FRMPD4: variants seen among roughly 807,000 people sequenced by gnomAD.
FRMPD4 encodes FERM and PDZ domain containing 4, also known as FERM and PDZ domain-containing protein 4.
A neutral mutation model predicts 94.1 loss-of-function variants in FRMPD4; 22 were observed. The observed-to-expected ratio is 0.23, with a 90% CI of 0.17 to 0.33. FRMPD4 has a LOEUF of 0.33. Among genes scored for constraint, FRMPD4 ranks in the 10% least tolerant of loss-of-function variants. The pLI, the probability that FRMPD4 is intolerant of heterozygous loss-of-function variation, is 1.00. For missense variants in FRMPD4, 1,111 were observed against 1,339.9 expected, an observed-to-expected ratio of 0.83 and a Z score of 2.67; for synonymous variants, 631 against 548.6, an observed-to-expected ratio of 1.15 and a Z score of -2.10.
intron 2 of FRMPD4, among the ~76,000 whole-genome samples, chrX:12,607,170 T>G (rs990044554): frequency 1.6e-4 from 18 of 111,630 alleles, no homozygotes; most frequent in African/African-American, 5.2e-4. Context: ...TTGGTTTTGC[T>G]GGCTCACTCA....
At chrX:11,895,182 G>T (rs1472870712) in intron 3 of FRMPD4, among the ~76,000 whole-genome samples, 1 of 111,962 alleles carries the variant, frequency 8.9e-6, no homozygotes, top group East Asian at 2.8e-4. Flanking sequence ...TGATTTTTTT[G>T]TGTGGGGCTG....
At chrX:11,906,681 G>A (rs911323855) in intron 3 of FRMPD4, among the ~76,000 whole-genome samples, 3 of 110,812 alleles carry the variant, frequency 2.7e-5, no homozygotes, top group Admixed American at 9.6e-5. Context: ...CAACTATGGT[G>A]TTTTTAGGTG....
intron 1 of FRMPD4, among the ~76,000 whole-genome samples, chrX:12,186,650 C>A (rs1184895853): frequency 9.0e-6 from 1 of 111,338 alleles, no homozygotes; most frequent in Non-Finnish European, 1.9e-5. Context: ...TGGTGTGTGG[C>A]TTGACGATGA....
At chrX:12,248,049 T>C in intron 1 of FRMPD4, among the ~76,000 whole-genome samples, 1 of 112,461 alleles carries the variant, frequency 8.9e-6, no homozygotes. Flanking sequence ...TATCTTCTTT[T>C]ATACCATGTA....
At chrX:12,089,579 G>A (rs1184176554) in intron 3 of FRMPD4, among the ~76,000 whole-genome samples, 2 of 111,478 alleles carry the variant, frequency 1.8e-5, no homozygotes, top group African/African-American at 3.3e-5. Context: ...TCATATGTTC[G>A]TTGGCCATTT....
intron 1 of FRMPD4, among the ~76,000 whole-genome samples, chrX:12,224,779 G>A (rs1284840063): frequency 9.0e-6 from 1 of 110,852 alleles, no homozygotes; most frequent in Non-Finnish European, 1.9e-5. Context: ...TGCTCCTGTT[G>A]GTACAGTTTT....
At chrX:12,373,240 A>T (rs759983973) in intron 1 of FRMPD4, 44 of 112,590 alleles carry the variant, frequency 3.9e-4, no homozygotes, top group African/African-American at 1.4e-3. Context: ...CCGACTTCTT[A>T]GTGGAAAGGA....
chrX:12,620,646 AC>A (rs1298185555), intron 4 of FRMPD4, among the ~76,000 whole-genome samples: 1 of 111,854 alleles, frequency 8.9e-6, no homozygotes, highest in Admixed American at 9.5e-5. Context: ...AAATAGGCCT[AC>A]CCCCCATTGC....
At chrX:12,018,559 G>A (rs750995167) in intron 3 of FRMPD4, among the ~76,000 whole-genome samples, 1 of 110,398 alleles carries the variant, frequency 9.1e-6, no homozygotes, top group Non-Finnish European at 1.9e-5. Context: ...GGGATTATAG[G>A]TGCCCACTAC....
Position 12,020,533 on chromosome X carries a change from G to A in FRMPD4, c.95+142515G>A, listed in dbSNP as rs184973280. Among the ~76,000 whole-genome samples, 60 of 111,715 alleles carry A rather than the reference G, an allele frequency of 5.4e-4. 2 individuals are homozygous for A. In the East Asian group the frequency reaches 0.011, roughly 20 times the overall value. The stretch of plus-strand genomic sequence containing the variant: ...GAATGGATAGTGTATGAAGAACTGC[G>A]AAAGGGAAGTTTTCATGAGCCAGGC... On this transcript the variant is annotated intron_variant, in intron 3 of 18. Transcript: ENST00000640291.
chrX:12,193,767 A>T (rs867980416), intron 1 of FRMPD4, among the ~76,000 whole-genome samples: 3 of 21,967 alleles, frequency 1.4e-4, no homozygotes, highest in African/African-American at 9.1e-4. Flanking sequence ...AGAAAGAAAG[A>T]AAGAAAGGAA....
intron 1 of FRMPD4, among the ~76,000 whole-genome samples, chrX:12,139,557 G>C (rs2055660971): frequency 9.3e-6 from 1 of 108,053 alleles, no homozygotes; most frequent in Non-Finnish European, 1.9e-5. Flanking sequence ...TTTTTGGGGG[G>C]GGGGTAACTA....
intron 3 of FRMPD4, among the ~76,000 whole-genome samples, chrX:11,884,837 T>C (rs774568153): frequency 9.9e-5 from 11 of 111,493 alleles, no homozygotes; most frequent in African/African-American, 3.3e-4. Flanking sequence ...AGAGGAGAGA[T>C]TAAATATAGA....
intron 2 of FRMPD4, among the ~76,000 whole-genome samples, chrX:11,868,478 ACT>A (rs2053735637): frequency 1.8e-5 from 2 of 111,405 alleles, no homozygotes; most frequent in African/African-American, 6.5e-5. Flanking sequence ...TAGGCTATTA[ACT>A]CTACAAAATG....
intron 2 of FRMPD4, among the ~76,000 whole-genome samples, chrX:12,554,883 G>A (rs2058578612): frequency 9.0e-6 from 1 of 111,683 alleles, no homozygotes; most frequent in African/African-American, 3.3e-5. Context: ...CGAAAGTGTA[G>A]GGATTACAGG....
chrX:12,590,888 A>G (rs1165985052), intron 2 of FRMPD4, among the ~76,000 whole-genome samples: 1 of 112,222 alleles, frequency 8.9e-6, no homozygotes, highest in African/African-American at 3.2e-5. Context: ...TGTGCTATTG[A>G]CATGACTCTG....
At chrX:12,095,791 CTAA>C (rs1267737905) in intron 3 of FRMPD4, among the ~76,000 whole-genome samples, 1 of 112,378 alleles carries the variant, frequency 8.9e-6, no homozygotes, top group Non-Finnish European at 1.9e-5. Context: ...AAAGAGAAGG[CTAA>C]TTCTTCATGC....
At chrX:12,701,014 C>G (rs1243645688) in intron 9 of FRMPD4, among the ~76,000 whole-genome samples, 1 of 107,779 alleles carries the variant, frequency 9.3e-6, no homozygotes, top group African/African-American at 3.4e-5. Flanking sequence ...TGTAAGAGGG[C>G]TTACACCCTG....
chrX:12,678,479 GT>G (rs2059924997), intron 5 of FRMPD4, among the ~76,000 whole-genome samples: 1 of 111,924 alleles, frequency 8.9e-6, no homozygotes, highest in South Asian at 3.7e-4. Flanking sequence ...GCTTTCTACA[GT>G]TTCCAAGTCT....
Sources: gnomAD v4.1 joint callset for allele counts (sites outside exome capture counted in the v4.1 genomes callset) on GRCh38, gnomAD v4.1.1 for gene constraint, MANE v1.5 for transcripts, NCBI Gene and HGNC (gene_info 2026-07-23, HGNC 2026-07-21) for gene names.